Variants in MUSK observed in about 807,000 individuals in gnomAD.
The protein encoded by MUSK is muscle, skeletal receptor tyrosine-protein kinase.
A neutral mutation model predicts 88.7 loss-of-function variants in MUSK; 55 were observed. The ratio of observed to expected loss-of-function variants is 0.62; its 90% confidence interval spans 0.50 to 0.78. The LOEUF (loss-of-function observed/expected upper bound fraction) is 0.78. Ranked by LOEUF, MUSK falls within the 30% of genes least tolerant of loss-of-function variation. The pLI, the probability that MUSK is intolerant of heterozygous loss-of-function variation, is 0.00. For synonymous variants in MUSK, 387 were observed against 391.9 expected (o/e 0.99, Z 0.15); for missense variants, 1,015 against 1,074.3 (o/e 0.94, Z 0.77).
chr9:110,744,029 G>A (rs566245956), intron 6 of MUSK, among the ~76,000 whole-genome samples: 1 of 151,184 alleles, frequency 6.6e-6, no homozygotes, highest in South Asian at 2.1e-4. Context: ...GTGCAGTGGC[G>A]CGATCTCAGC....
At chr9:110,770,359 ATACT>A (rs1168341588) in intron 9 of MUSK, among the ~76,000 whole-genome samples, 2 of 146,574 alleles carry the variant, frequency 1.4e-5, no homozygotes, top group Non-Finnish European at 3.0e-5. Flanking sequence ...ATAATAAATA[ATACT>A]TAATATGATA....
At chr9:110,800,165 A>G (rs934690166) in intron 14 of MUSK, 141 bp from the exon 15 acceptor site, 1 of 753,660 alleles carries the variant, frequency 1.3e-6, no homozygotes, top group Non-Finnish European at 2.1e-6. Context: ...AAAGGATACA[A>G]ATATTAAAAA....
At chr9:110,704,308 G>A (rs2076568423) in intron 5 of MUSK, among the ~76,000 whole-genome samples, 1 of 152,088 alleles carries the variant, frequency 6.6e-6, no homozygotes, top group Non-Finnish European at 1.5e-5. Context: ...AGAATGAGAT[G>A]GATTTATATA....
intron 10 of MUSK, 39 bp from the exon 11 acceptor site, chr9:110,776,593 A>C (rs768400471): frequency 6.6e-7 from 1 of 1,524,886 alleles, no homozygotes; most frequent in Non-Finnish European, 9.1e-7. Context: ...AGATATCTGG[A>C]TGCTCACTTA....
At chr9:110,800,186 G>A (rs1269762069) in intron 14 of MUSK, 120 bp from the exon 15 acceptor site, 8 of 901,000 alleles carry the variant, frequency 8.9e-6, no homozygotes, top group Admixed American at 7.6e-5. Context: ...ACAAACATAC[G>A]ACAACAACAA....
intron 7 of MUSK, among the ~76,000 whole-genome samples, chr9:110,755,353 A>T (rs1438873248): frequency 6.6e-6 from 1 of 152,222 alleles, no homozygotes; most frequent in Non-Finnish European, 1.5e-5. Context: ...TGCATTGTAG[A>T]TTGCAGAACA....
At position 110,734,246 on chromosome 9, in the gene MUSK, A is replaced by C; in HGVS notation, c.629-5A>C. Reference sequence around the variant, plus strand: ...CGTCACTCACCACTTCTGTCTTCCTAACAGTTTTTGCCAGGATCCTGCGGG... The same window carrying C: ...CGTCACTCACCACTTCTGTCTTCCTCACAGTTTTTGCCAGGATCCTGCGGG... On this transcript the variant is annotated splice_polypyrimidine_tract_variant and splice_region_variant and intron_variant, in intron 5 of 14. Coordinates refer to ENST00000374448, the MANE Select transcript of MUSK (RefSeq NM_005592.4). The C allele has an allele frequency of 6.2e-7, 1 of 1,609,958 alleles. No individual in the cohort carries two copies. The highest frequency in any genetic ancestry group is 8.5e-7 in the Non-Finnish European group (1 of 1,177,896).
intron 14 of MUSK, 149 bp downstream of exon 14, chr9:110,787,987 CCCAA>C: frequency 1.2e-6 from 1 of 826,218 alleles, no homozygotes; most frequent in Non-Finnish European, 2.0e-6. Context: ...CTTGGTCTAT[CCCAA>C]CCCTATAGGA....
At chr9:110,731,668 A>G (rs868795952) in intron 5 of MUSK, among the ~76,000 whole-genome samples, 3 of 152,060 alleles carry the variant, frequency 2.0e-5, no homozygotes, top group Non-Finnish European at 2.9e-5. Context: ...CAGCAGTCTC[A>G]TATTCATGAA....
chr9:110,780,429 C>T (rs562968902), intron 11 of MUSK, among the ~76,000 whole-genome samples: 2 of 152,252 alleles, frequency 1.3e-5, no homozygotes, highest in African/African-American at 2.4e-5. Flanking sequence ...TCTTACCTAG[C>T]GAATTAGCCA....
At chr9:110,747,968 A>C in intron 7 of MUSK, 168 bp downstream of exon 7, 1 of 938,940 alleles carries the variant, frequency 1.1e-6, no homozygotes, top group Non-Finnish European at 1.7e-6. Context: ...CTAGATATGG[A>C]TTTTGGCAGA....
chr9:110,685,967 T>C (rs2076190591), intron 2 of MUSK, among the ~76,000 whole-genome samples: 1 of 152,164 alleles, frequency 6.6e-6, no homozygotes, highest in South Asian at 2.1e-4. Flanking sequence ...AAAACCTGTA[T>C]TTATTTATTA....
chr9:110,764,885 A>G (rs1020805782), intron 8 of MUSK, among the ~76,000 whole-genome samples: 10 of 152,182 alleles, frequency 6.6e-5, no homozygotes, highest in Admixed American at 2.6e-4. Context: ...TCTCATTTCT[A>G]TTCAAAACCT....
intron 11 of MUSK, among the ~76,000 whole-genome samples, chr9:110,784,084 G>C (rs1588036440): frequency 2.0e-5 from 3 of 151,664 alleles, no homozygotes; most frequent in Admixed American, 2.0e-4. Context: ...TCTATTTTTG[G>C]GTACAAAGGT....
chr9:110,700,433 T>A (rs1288490031), intron 5 of MUSK, among the ~76,000 whole-genome samples: 1 of 151,676 alleles, frequency 6.6e-6, no homozygotes, highest in Non-Finnish European at 1.5e-5. Flanking sequence ...AGTATCTAGA[T>A]GAAAATGAGG....
chr9:110,755,032 G>T (rs1020455662), intron 7 of MUSK, among the ~76,000 whole-genome samples: 31 of 152,210 alleles, frequency 2.0e-4, no homozygotes, highest in African/African-American at 7.5e-4. Context: ...AAAACAGAAA[G>T]AATCTACTAG....
At chr9:110,669,436 A>T (rs2075928984) in intron 1 of MUSK, among the ~76,000 whole-genome samples, 1 of 152,158 alleles carries the variant, frequency 6.6e-6, no homozygotes, top group African/African-American at 2.4e-5. Flanking sequence ...AGCTTTGCCA[A>T]ACTCTTAATA....
chr9:110,696,774 GAT>G (rs903451474), intron 4 of MUSK, among the ~76,000 whole-genome samples: 7 of 152,044 alleles, frequency 4.6e-5, no homozygotes, highest in Non-Finnish European at 7.4e-5. Flanking sequence ...AGGTAAACCT[GAT>G]AGTTAAAAGC....
At chr9:110,672,429 C>T (rs565894123) in intron 1 of MUSK, among the ~76,000 whole-genome samples, 2 of 152,082 alleles carry the variant, frequency 1.3e-5, no homozygotes, top group Non-Finnish European at 2.9e-5. Context: ...CTGCACTATA[C>T]CCAGCAGTGC....
Sources: gnomAD v4.1 joint callset for allele counts (sites outside exome capture counted in the v4.1 genomes callset) on GRCh38, gnomAD v4.1.1 for gene constraint, MANE v1.5 for transcripts, NCBI Gene and HGNC (gene_info 2026-07-23, HGNC 2026-07-21) for gene names.